The following MED12L variants were observed in gnomAD, a reference collection of about 807,000 sequenced individuals.
MED12L encodes mediator complex subunit 12L.
MED12L carries 60 observed loss-of-function variants against 281.3 expected under a neutral mutation model. The ratio of observed to expected loss-of-function variants is 0.21; its 90% CI spans 0.17 to 0.26. The LOEUF (loss-of-function observed/expected upper bound fraction) is 0.26. MED12L is among the 10% of genes least tolerant of loss of function. The pLI is 1.00. For missense variants in MED12L, 2,146 were observed against 2,680.9 expected, an observed-to-expected ratio of 0.80 and a Z score of 4.41; for synonymous variants, 974 against 987.2, an observed-to-expected ratio of 0.99 and a Z score of 0.25.
At chr3:151,293,433 A>C (rs1448567138) in intron 16 of MED12L, among the ~76,000 whole-genome samples, 1 of 152,190 alleles carries the variant, frequency 6.6e-6, no homozygotes, top group Non-Finnish European at 1.5e-5. Flanking sequence ...GAAAGGTAGT[A>C]TCACAGGAGC....
chr3:151,311,960 G>T (rs1445380445), intron 16 of MED12L, among the ~76,000 whole-genome samples: 1 of 152,198 alleles, frequency 6.6e-6, no homozygotes, highest in African/African-American at 2.4e-5. Flanking sequence ...GGAGGCGGAG[G>T]TTGCGGAGGT....
intron 2 of MED12L, among the ~76,000 whole-genome samples, chr3:151,095,401 C>T (rs1720579242): frequency 6.6e-6 from 1 of 152,086 alleles, no homozygotes; most frequent in South Asian, 2.1e-4. Context: ...GCAGTGGCAC[C>T]ATCTTGGCTC....
At chr3:151,141,166 GT>G (rs750239134) in intron 5 of MED12L, among the ~76,000 whole-genome samples, 11 of 98,096 alleles carry the variant, frequency 1.1e-4, no homozygotes, top group South Asian at 3.2e-4. Flanking sequence ...CGTGCCTGGC[GT>G]TTTTTTTTTT....
At chr3:151,286,729 T>A (rs909483320) in intron 16 of MED12L, among the ~76,000 whole-genome samples, 15 of 152,214 alleles carry the variant, frequency 9.9e-5, no homozygotes, top group African/African-American at 3.6e-4. Context: ...TATATTCTTG[T>A]TTGCCTACAC....
chr3:151,115,594 G>A (rs979919066), intron 2 of MED12L, among the ~76,000 whole-genome samples: 2 of 151,438 alleles, frequency 1.3e-5, no homozygotes, highest in Non-Finnish European at 2.9e-5. Flanking sequence ...TGATCCACAT[G>A]CCTTGGCCTC....
intron 5 of MED12L, among the ~76,000 whole-genome samples, chr3:151,137,802 GA>G (rs1201129328): frequency 2.0e-5 from 3 of 151,798 alleles, no homozygotes; most frequent in Admixed American, 6.6e-5. Context: ...AAAAGTATGT[GA>G]AATTTTTTTT....
intron 12 of MED12L, among the ~76,000 whole-genome samples, chr3:151,186,400 C>T (rs1478568230): frequency 6.6e-6 from 1 of 152,192 alleles, no homozygotes; most frequent in Non-Finnish European, 1.5e-5. Flanking sequence ...CTGATACTCT[C>T]TGTGGCTCCT....
chr3:151,164,053 T>G lies in MED12L; in HGVS notation c.1257+11T>G. 6.2e-7 allele frequency: 1 copy of G among 1,611,658 alleles called. No individual in the cohort carries two copies. Among genetic ancestry groups the G allele is most frequent in the Non-Finnish European group, 8.5e-7 (1 of 1,178,544 alleles). On this transcript the variant is annotated intron_variant, in intron 9 of 44. Transcript: ENST00000687756. ...GCTTTCAATCAGCAGGTAGACTTTA[T>G]GTTTCAGTGATTTGATGGCTGTTTT...
intron 11 of MED12L, among the ~76,000 whole-genome samples, chr3:151,184,305 C>T (rs1242320897): frequency 6.6e-6 from 1 of 152,140 alleles, no homozygotes; most frequent in African/African-American, 2.4e-5. Context: ...ACAGACATTC[C>T]GAAATGTGCT....
At chr3:151,336,776 A>T (rs570832886) in intron 16 of MED12L, 1 of 312,546 alleles carries the variant, frequency 3.2e-6, no homozygotes, top group East Asian at 8.6e-5. Context: ...AATGGATTTG[A>T]TGTAGTTGTA....
At chr3:151,375,162 A>T (rs1756675587) in intron 27 of MED12L, among the ~76,000 whole-genome samples, 1 of 152,196 alleles carries the variant, frequency 6.6e-6, no homozygotes, top group South Asian at 2.1e-4. Flanking sequence ...AATTACTGAT[A>T]TTTGGGTGCC....
At chr3:151,241,081 T>A (rs1002452119) in intron 16 of MED12L, among the ~76,000 whole-genome samples, 1 of 152,010 alleles carries the variant, frequency 6.6e-6, no homozygotes, top group Non-Finnish European at 1.5e-5. Context: ...GGGAGTTTAG[T>A]ACTTGTACTT....
chr3:151,192,018 A>C (rs1022635873), intron 14 of MED12L, among the ~76,000 whole-genome samples: 8 of 152,238 alleles, frequency 5.3e-5, no homozygotes, highest in African/African-American at 1.7e-4. Flanking sequence ...AATTGCAAAC[A>C]TGGATTCATA....
intron 39 of MED12L, among the ~76,000 whole-genome samples, chr3:151,404,831 T>C (rs1409586827): frequency 1.3e-5 from 2 of 152,230 alleles, no homozygotes; most frequent in Non-Finnish European, 2.9e-5. Flanking sequence ...TCTAAAATGC[T>C]CTGATTATAA....
chr3:151,165,485 G>T lies in MED12L; in HGVS notation c.1323G>T (p.Arg441=), dbSNP rs1720596377. The change falls in exon 10 of 45, where the codon CGG becomes CGT. Residue 441 remains arginine, a synonymous_variant. Coordinates refer to ENST00000687756, the MANE Select transcript of MED12L (RefSeq NM_001393769.1). ...AAAGAGGCCGTGCAGTGGAAGTTCGGTGGTCATTTGACAAGTGCCAAGAAT... is the reference window on the plus strand; with the variant it reads ...AAAGAGGCCGTGCAGTGGAAGTTCGTTGGTCATTTGACAAGTGCCAAGAAT... The part of the protein sequence containing the change: ...IKQRGRAVEV[R]WSFDKCQEST... 1 of 1,613,948 alleles carries T rather than the reference G, an allele frequency of 6.2e-7. No individual in the cohort carries two copies. The highest frequency in any genetic ancestry group is 8.5e-7 in the Non-Finnish European group (1 of 1,179,934).
At chr3:151,287,743 ATGAGCAC>A in intron 16 of MED12L, among the ~76,000 whole-genome samples, 1 of 152,290 alleles carries the variant, frequency 6.6e-6, no homozygotes, top group African/African-American at 2.4e-5. Flanking sequence ...ACAGTGACTG[ATGAGCAC>A]TGTGTAAGAT....
intron 43 of MED12L, 130 bp from the exon 44 acceptor site, chr3:151,430,169 G>A (rs1560156015): frequency 7.5e-7 from 1 of 1,337,386 alleles, no homozygotes; most frequent in Non-Finnish European, 1.0e-6. Flanking sequence ...TCCACACACA[G>A]TTGTCATAGC....
At chr3:151,390,638 T>C (rs1714087329) in intron 38 of MED12L, among the ~76,000 whole-genome samples, 1 of 152,170 alleles carries the variant, frequency 6.6e-6, no homozygotes, top group South Asian at 2.1e-4. Context: ...CAAATGAAAA[T>C]TTTCTAAATG....
chr3:151,244,244 A>G (rs989103474), intron 16 of MED12L, among the ~76,000 whole-genome samples: 1 of 133,816 alleles, frequency 7.5e-6, no homozygotes, highest in African/African-American at 2.6e-5. Flanking sequence ...CAGGAATTGA[A>G]CTCAGCTCTG....
Sources: allele counts gnomAD v4.1 joint callset (sites outside exome capture counted in the v4.1 genomes callset), GRCh38; gene constraint gnomAD v4.1.1; transcripts MANE v1.5; gene names NCBI Gene and HGNC (gene_info 2026-07-23, HGNC 2026-07-21).